PDE1A: variants seen among roughly 807,000 people sequenced by gnomAD.
The protein encoded by PDE1A is phosphodiesterase 1A.
A neutral mutation model predicts 61.7 loss-of-function variants in PDE1A; 35 were observed. That is an observed-to-expected ratio of 0.57 (90% CI 0.43 to 0.75). The LOEUF (loss-of-function observed/expected upper bound fraction) is 0.75, where lower values mean the gene tolerates loss of function less well. PDE1A is among the 30% of genes least tolerant of loss of function. PDE1A has a pLI of 0.00. For synonymous variants in PDE1A, 232 were observed against 213.2 expected (o/e 1.09, Z -0.77); for missense variants, 597 against 630.6 (o/e 0.95, Z 0.57).
At chr2:182,180,642 G>T (rs550247322) in intron 13 of PDE1A, among the ~76,000 whole-genome samples, 4 of 152,094 alleles carry the variant, frequency 2.6e-5, no homozygotes, top group Non-Finnish European at 5.9e-5. Context: ...GTCTTGCTAG[G>T]TTGGGGAAGT....
At chr2:182,641,896 A>T in the PDE1A span, among the ~76,000 whole-genome samples, 1 of 152,204 alleles carries the variant, frequency 6.6e-6, no homozygotes, top group Non-Finnish European at 1.5e-5. Context: ...CGAAAGGTGC[A>T]TCCAAGAAAA....
chr2:182,527,322 AAAAAAATATATATATATATAT>A (rs1559543387), upstream of PDE1A, among the ~76,000 whole-genome samples: 132 of 42,166 alleles, frequency 3.1e-3, 4 homozygotes, highest in Non-Finnish European at 4.6e-3. Context: ...AAAAAAAAAA[AAAAAAATATATATATATATAT>A]ATATATATAT....
At chr2:182,508,241 A>G (rs1304247384) in intron 2 of PDE1A, among the ~76,000 whole-genome samples, 1 of 152,116 alleles carries the variant, frequency 6.6e-6, no homozygotes, top group Non-Finnish European at 1.5e-5. Flanking sequence ...ATACCTTAAT[A>G]TAGTAAAGGC....
At chr2:182,172,789 C>T (rs1393727900) in intron 13 of PDE1A, among the ~76,000 whole-genome samples, 5 of 151,732 alleles carry the variant, frequency 3.3e-5, no homozygotes, top group Non-Finnish European at 7.4e-5. Context: ...AGGAGAAGGC[C>T]CAGGAAGAGC....
intron 1 of PDE1A, among the ~76,000 whole-genome samples, chr2:182,341,681 A>G (rs1331353729): frequency 1.3e-5 from 2 of 152,206 alleles, no homozygotes; most frequent in African/African-American, 4.8e-5. Context: ...ATAGGGAGAA[A>G]GCTATTCTTA....
chr2:182,484,056 T>C (rs1335014990), intron 2 of PDE1A, among the ~76,000 whole-genome samples: 1 of 151,802 alleles, frequency 6.6e-6, no homozygotes. Context: ...TACAAAAGAC[T>C]CATAAACAAA....
chr2:182,293,487 T>C (rs1003127724), intron 1 of PDE1A, among the ~76,000 whole-genome samples: 10 of 152,040 alleles, frequency 6.6e-5, no homozygotes, highest in Admixed American at 1.3e-4. Context: ...TAACACATAT[T>C]TGAAGGAAAA....
chr2:182,468,836 A>C (rs901489413), intron 2 of PDE1A, among the ~76,000 whole-genome samples: 1 of 152,000 alleles, frequency 6.6e-6, no homozygotes, highest in African/African-American at 2.4e-5. Flanking sequence ...AAACAGCATT[A>C]ATCTCCTTTT....
chr2:182,646,047 T>G, the PDE1A span, among the ~76,000 whole-genome samples: 1 of 152,088 alleles, frequency 6.6e-6, no homozygotes. Flanking sequence ...AAGATAAATT[T>G]TTAAAAGGGT....
intron 2 of PDE1A, among the ~76,000 whole-genome samples, chr2:182,495,785 T>A (rs534062764): frequency 1.3e-5 from 2 of 152,260 alleles, no homozygotes; most frequent in South Asian, 4.1e-4. Flanking sequence ...CTACCCTTCA[T>A]TAAGATTCAT....
At chr2:182,516,820 GGGAA>G (rs1204810224) in intron 2 of PDE1A, among the ~76,000 whole-genome samples, 13 of 81,092 alleles carry the variant, frequency 1.6e-4, no homozygotes, top group African/African-American at 2.2e-4. Flanking sequence ...AGGAAAGGAA[GGGAA>G]GGAAGGAAGG....
chr2:182,427,801 A>T (rs1703707713), upstream of PDE1A, among the ~76,000 whole-genome samples: 1 of 152,220 alleles, frequency 6.6e-6, no homozygotes, highest in Non-Finnish European at 1.5e-5. Context: ...GTTCCTATTC[A>T]GTCAATAATG....
At chr2:182,630,346 T>C in the PDE1A span, among the ~76,000 whole-genome samples, 3 of 152,324 alleles carry the variant, frequency 2.0e-5, no homozygotes, top group African/African-American at 4.8e-5. Flanking sequence ...GCTAACACCA[T>C]ATGTTGCAGG....
downstream of PDE1A, among the ~76,000 whole-genome samples, chr2:182,164,590 C>G (rs967719720): frequency 6.6e-6 from 1 of 151,992 alleles, no homozygotes; most frequent in Non-Finnish European, 1.5e-5. Context: ...TTGTCATTGC[C>G]CAGTGAACTC....
At chr2:182,245,742 A>C (rs1690896689) in intron 2 of PDE1A, among the ~76,000 whole-genome samples, 1 of 152,164 alleles carries the variant, frequency 6.6e-6, no homozygotes, top group Non-Finnish European at 1.5e-5. Context: ...TAGTCTATGC[A>C]TTCTACTATT....
At chr2:182,567,424 G>A in the PDE1A span, among the ~76,000 whole-genome samples, 3 of 152,108 alleles carry the variant, frequency 2.0e-5, no homozygotes, top group African/African-American at 7.2e-5. Context: ...TGATATACCT[G>A]GCTTTAAAAC....
chr2:182,553,238 G>A, the PDE1A span, among the ~76,000 whole-genome samples: 8 of 152,098 alleles, frequency 5.3e-5, no homozygotes, highest in African/African-American at 1.7e-4. Context: ...TCTTGGAAGC[G>A]GCCCACCACC....
At chr2:182,700,721 C>CAAAAAAAAAAAAAAAAAAAAAA in the PDE1A span, among the ~76,000 whole-genome samples, 26 of 23,964 alleles carry the variant, frequency 1.1e-3, no homozygotes, top group South Asian at 3.0e-3. Flanking sequence ...GACTCCATCT[C>CAAAAAAAAAAAAAAAAAAAAAA]AAAAAAAAAA....
intron 2 of PDE1A, among the ~76,000 whole-genome samples, chr2:182,504,376 C>A (rs1356379506): frequency 6.6e-6 from 1 of 152,036 alleles, no homozygotes; most frequent in Admixed American, 6.5e-5. Flanking sequence ...GTGTATTATG[C>A]AAATTTAGCA....
Sources: gnomAD v4.1 joint callset for allele counts (sites outside exome capture counted in the v4.1 genomes callset) on GRCh38, gnomAD v4.1.1 for gene constraint, MANE v1.5 for transcripts, NCBI Gene and HGNC (gene_info 2026-07-23, HGNC 2026-07-21) for gene names.